The following LAMB1 variants were observed in gnomAD, a reference collection of about 807,000 sequenced individuals.
LAMB1 encodes the protein laminin subunit beta-1.
In LAMB1, 121 loss-of-function variants were observed where a neutral mutation model predicts 222.3. The ratio of observed to expected loss-of-function variants is 0.54; its 90% CI spans 0.47 to 0.63. The LOEUF (loss-of-function observed/expected upper bound fraction) is 0.63. Ranked by LOEUF, LAMB1 falls within the 30% of genes least tolerant of loss-of-function variation. LAMB1 has a pLI of 0.00. For missense variants in LAMB1, 2,172 were observed against 2,240.8 expected, an observed-to-expected ratio of 0.97 and a Z score of 0.62; for synonymous variants, 794 against 807.2, an observed-to-expected ratio of 0.98 and a Z score of 0.28.
rs113854298 is a variant in LAMB1 at position 107,924,097 on chromosome 7, GATATAT to G, written c.5225-16_5225-11del. On this transcript the variant is annotated splice_polypyrimidine_tract_variant and intron_variant, in intron 33 of 33. Transcript: ENST00000222399. ...TATTTTCTTTCTAAATCTGTGGGGA[GATATAT>G]ATATATAAAGTCTGAGCAATTTATA... The G allele has an allele frequency of 2.2e-5, 33 of 1,476,744 alleles. No homozygotes were observed. In the African/African-American group the frequency reaches 3.3e-4, roughly 15 times the overall value. The allele number at this position is 1,476,744 out of a possible 1,614,324, so 91.5% of individuals were successfully genotyped here.
At chr7:107,989,573 C>A (rs2034142537) in intron 5 of LAMB1, among the ~76,000 whole-genome samples, 1 of 152,020 alleles carries the variant, frequency 6.6e-6, no homozygotes, top group Non-Finnish European at 1.5e-5. Flanking sequence ...TTTCACCTAC[C>A]CAGGAATATA....
At chr7:107,962,325 A>C (rs1014534011) in intron 15 of LAMB1, among the ~76,000 whole-genome samples, 2 of 152,248 alleles carry the variant, frequency 1.3e-5, no homozygotes, top group African/African-American at 4.8e-5. Flanking sequence ...TGAGGGAAGG[A>C]GAGGATCTCA....
intron 25 of LAMB1, among the ~76,000 whole-genome samples, chr7:107,938,832 TG>T (rs2032911181): frequency 1.3e-5 from 2 of 152,292 alleles, no homozygotes; most frequent in South Asian, 2.1e-4. Flanking sequence ...GCCAGCTACA[TG>T]GTCTTGGGCA....
chr7:107,974,761 A>G (rs1420092948), intron 12 of LAMB1, among the ~76,000 whole-genome samples: 2 of 152,258 alleles, frequency 1.3e-5, no homozygotes, highest in African/African-American at 2.4e-5. Context: ...AATTGTGTCT[A>G]TAAAAGTGGT....
In LAMB1 at chr7:107,940,041, T is replaced by C; in HGVS notation, c.3709A>G (p.Ser1237Gly). 6.2e-7 allele frequency: 1 copy of C among 1,614,184 alleles called. No homozygotes were observed. Among genetic ancestry groups the C allele is most frequent in the East Asian group, 2.2e-5 (1 of 44,878 alleles). Residue 1237 changes from serine to glycine, a missense_variant, in exon 25 of 34, where the codon AGC becomes GGC. Coordinates refer to ENST00000222399, the MANE Select transcript of LAMB1 (RefSeq NM_002291.3). ...VSEIKDILAQ[S>G]PAAEPLKNIG... ...TTTTTCAGTGGCTCTGCTGCGGGGC[T>C]CTGCGCCAGGATGTCTTTTATCTCG...
intron 14 of LAMB1, among the ~76,000 whole-genome samples, chr7:107,963,852 A>G (rs1181554772): frequency 6.6e-6 from 1 of 152,180 alleles, no homozygotes; most frequent in Admixed American, 6.5e-5. Context: ...TAATCCCAAC[A>G]CTTTGGGAGG....
Position 107,951,288 on chromosome 7 carries a change from C to G in LAMB1, c.3329G>C (p.Gly1110Ala). 1 of 1,614,162 alleles carries G rather than the reference C, an allele frequency of 6.2e-7. No individual in the cohort carries two copies. Among genetic ancestry groups the G allele is most frequent in the Non-Finnish European group, 8.5e-7 (1 of 1,180,018 alleles). ...CTGGCACTCGCTGCAGGTGCGGCCT[C>G]CAAACCCAGGCATGCACTGGCACTG... ...TGQCQCMPGF[G>A]GRTCSECQEL... Residue 1110 changes from glycine (G) to alanine (A), a missense_variant, in exon 24 of 34, where the codon GGA becomes GCA. Coordinates refer to ENST00000222399, the MANE Select transcript of LAMB1 (RefSeq NM_002291.3).
At chr7:107,996,821 A>G (rs1341223298) in intron 4 of LAMB1, among the ~76,000 whole-genome samples, 1 of 152,180 alleles carries the variant, frequency 6.6e-6, no homozygotes, top group South Asian at 2.1e-4. Context: ...TCTCCATCCT[A>G]ATGTTGAGGC....
At position 107,932,163 on chromosome 7, in the gene LAMB1, C is replaced by T. The variant is rs2032726236; in HGVS notation, c.4392+11G>A. ...ATACATAACAAAAACTGAGGCCATC[C>T]ACTGAGTTACCATCTTGGAGAGCTG... is the stretch of plus-strand genomic sequence containing the variant. On this transcript the variant is annotated intron_variant, in intron 28 of 33. Coordinates refer to ENST00000222399, the MANE Select transcript of LAMB1 (RefSeq NM_002291.3). 1.9e-6 allele frequency: 3 copies of T among 1,613,400 alleles called. No homozygotes were observed. Among genetic ancestry groups the T allele is most frequent in the Non-Finnish European group, 1.7e-6 (2 of 1,179,318 alleles).
In LAMB1 at chr7:107,924,088, C is replaced by T. The variant is rs2032494940; in HGVS notation, c.5225-1G>A. 6 of 1,545,388 alleles carry T rather than the reference C, an allele frequency of 3.9e-6. No individual in the cohort carries two copies. Among genetic ancestry groups the T allele is most frequent in the Non-Finnish European group, 5.2e-6 (6 of 1,153,808 alleles). On this transcript the variant is annotated splice_acceptor_variant, in intron 33 of 33. Transcript: ENST00000222399. LOFTEE classifies it high-confidence loss of function. Reference sequence around the variant, plus strand: ...TTGTCTTCATATTTTCTTTCTAAATCTGTGGGGAGATATATATATATAAAG... The same window carrying T: ...TTGTCTTCATATTTTCTTTCTAAATTTGTGGGGAGATATATATATATAAAG...
At chr7:107,956,479 T>TTCA (rs1304197933) in intron 20 of LAMB1, among the ~76,000 whole-genome samples, 2 of 152,200 alleles carry the variant, frequency 1.3e-5, no homozygotes, top group African/African-American at 2.4e-5. Flanking sequence ...CACCCATGGC[T>TTCA]TCATCTGGCC....
chr7:107,941,332 G>A (rs1056183676), intron 24 of LAMB1, among the ~76,000 whole-genome samples: 3 of 152,186 alleles, frequency 2.0e-5, no homozygotes, highest in African/African-American at 4.8e-5. Context: ...TTTGAATTAC[G>A]AAAGGCCTTA....
intron 7 of LAMB1, among the ~76,000 whole-genome samples, chr7:107,982,295 G>A (rs967868835): frequency 1.3e-5 from 2 of 152,168 alleles, no homozygotes; most frequent in African/African-American, 2.4e-5. Context: ...GTTCTTTACT[G>A]TCATTTATGT....
intron 5 of LAMB1, among the ~76,000 whole-genome samples, chr7:107,990,121 C>T (rs1420747172): frequency 1.3e-5 from 2 of 152,106 alleles, no homozygotes; most frequent in Non-Finnish European, 2.9e-5. Flanking sequence ...TCACTGCAGC[C>T]TTGACCTCCC....
At chr7:107,955,382 T>G in intron 21 of LAMB1, 85 bp downstream of exon 21, 1 of 1,235,854 alleles carries the variant, frequency 8.1e-7, no homozygotes, top group Non-Finnish European at 1.1e-6. Flanking sequence ...TTGGTTCACT[T>G]TGCATCTTTT....
chr7:107,970,868 G>A (rs1406362546), intron 13 of LAMB1, among the ~76,000 whole-genome samples: 1 of 152,032 alleles, frequency 6.6e-6, no homozygotes, highest in African/African-American at 2.4e-5. Context: ...AAGTAGCTGA[G>A]ATTACAGGTA....
At chr7:107,995,760 G>A (rs2034270139) in intron 4 of LAMB1, among the ~76,000 whole-genome samples, 1 of 152,164 alleles carries the variant, frequency 6.6e-6, no homozygotes, top group African/African-American at 2.4e-5. Context: ...GTTCAGCAAG[G>A]GAGGCTTGCC....
At chr7:107,982,001 C>CA (rs1393240191) in intron 7 of LAMB1, among the ~76,000 whole-genome samples, 5 of 152,334 alleles carry the variant, frequency 3.3e-5, no homozygotes, top group African/African-American at 1.2e-4. Context: ...TATATAGTGA[C>CA]ATAAGCATAA....
intron 5 of LAMB1, among the ~76,000 whole-genome samples, chr7:107,991,153 G>C (rs907034777): frequency 6.6e-6 from 1 of 152,046 alleles, no homozygotes; most frequent in Admixed American, 6.6e-5. Context: ...AAAATAACAT[G>C]ATAGCAGCAG....
Sources: gnomAD v4.1 joint callset for allele counts (sites outside exome capture counted in the v4.1 genomes callset) on GRCh38, gnomAD v4.1.1 for gene constraint, MANE v1.5 for transcripts, NCBI Gene and HGNC (gene_info 2026-07-23, HGNC 2026-07-21) for gene names.